Variants in ASB11 observed in about 807,000 individuals in gnomAD.
The protein encoded by ASB11 is ankyrin repeat and SOCS box containing 11.
Under a neutral mutation model 20.1 loss-of-function variants are expected in ASB11, and 17 were observed. That is an observed-to-expected ratio of 0.85 (90% CI 0.58 to 1.27). The LOEUF is 1.27. ASB11 is among the 50% of genes most tolerant of loss of function. The probability of loss-of-function intolerance (pLI) is 0.00; values close to 1 mark genes in which losing one functional copy is unlikely to be tolerated. For synonymous variants in ASB11, 107 were observed against 105.6 expected, an observed-to-expected ratio of 1.01 and a Z score of -0.08; for missense variants, 259 against 256.9, an observed-to-expected ratio of 1.01 and a Z score of -0.06.
chrX:15,283,748 T>C lies in ASB11; in HGVS notation c.848-119A>G, dbSNP rs1318319048. On this transcript the variant is annotated intron_variant, in intron 6 of 6. Transcript: ENST00000480796. The stretch of plus-strand genomic sequence containing the variant: ...AAAAGCAGAAGAGAAGCTGGATCTG[T>C]ATAGGAACTATAGAATGAGGTAGCG... 2.4e-5 allele frequency: 19 copies of C among 801,655 alleles called. No homozygotes were observed. The South Asian group carries it at 4.1e-4, about 17-fold the overall frequency. The allele number at this position is 801,655 out of a possible 1,213,427, so 66.1% of individuals were successfully genotyped here.
At chrX:15,314,421 T>C (rs1321066964) in intron 1 of ASB11, 6 of 1,202,316 alleles carry the variant, frequency 5.0e-6, no homozygotes, top group African/African-American at 1.8e-5. Context: ...CTTTCCATGG[T>C]CCGGACCTTC....
intron 6 of ASB11, among the ~76,000 whole-genome samples, chrX:15,285,145 T>TC (rs1484927338): frequency 9.7e-6 from 1 of 102,772 alleles, no homozygotes; most frequent in Non-Finnish European, 2.0e-5. Context: ...TCTTTCTTTT[T>TC]TTTTTTTTTT....
At chrX:15,289,843 G>GT (rs924469942) in intron 4 of ASB11, 24 of 309,591 alleles carry the variant, frequency 7.8e-5, no homozygotes, top group African/African-American at 6.4e-4. Context: ...GGCCAACATG[G>GT]TGAAACCCCA....
At chrX:15,284,864 C>T (rs1221642625) in intron 6 of ASB11, among the ~76,000 whole-genome samples, 1 of 112,157 alleles carries the variant, frequency 8.9e-6, no homozygotes, top group African/African-American at 3.2e-5. Flanking sequence ...TCCACTGTAA[C>T]AGCATCTCAC....
rs375899924 is a variant in ASB11, at chrX:15,315,564, A to C, written c.42T>G (p.Phe14Leu). 30 of 1,190,110 alleles carry C rather than the reference A, an allele frequency of 2.5e-5. No homozygotes were observed. Among genetic ancestry groups the C allele is most frequent in the Non-Finnish European group, 3.3e-5 (29 of 887,579 alleles). ...GPVFYGFKNI[F>L]ITMFATFFFF... ...AAAAAAACGTAGCAAACATTGTAAT[A>C]AAAATGTTTTTAAAGCCATAGAAAA... Residue 14 changes from phenylalanine (F) to leucine (L), a missense_variant, in exon 1 of 7, where the codon TTT (phenylalanine) becomes TTG (leucine). Coordinates refer to ENST00000480796, the MANE Select transcript of ASB11 (RefSeq NM_080873.3).
Position 15,293,227 on chromosome X carries a change from C to T in ASB11, c.463G>A (p.Ala155Thr). ...ACVNVLLEFG[A>T]KAQLEVHLAS... ...AGGTGCACCTCCAACTGGGCCTTGG[C>T]TCCGAACTCCAGCAGCACATTGACA... The change falls in exon 4 of 7, where the codon GCC becomes ACC. Residue 155 changes from alanine (A) to threonine (T), a missense_variant. Ala to Thr is a moderately conservative substitution (Grantham distance 58). Transcript: ENST00000480796. The T allele has an allele frequency of 8.3e-7, 1 of 1,211,863 alleles. No individual in the cohort carries two copies. The highest frequency in any genetic ancestry group is 1.1e-6 in the Non-Finnish European group (1 of 895,533).
chrX:15,306,333 A>G (rs1429510772), intron 1 of ASB11, among the ~76,000 whole-genome samples: 3 of 111,948 alleles, frequency 2.7e-5, no homozygotes, highest in African/African-American at 6.5e-5. Flanking sequence ...AACAGATAAA[A>G]ATTTTTAACA....
chrX:15,305,730 T>C (rs1921222561), intron 1 of ASB11, among the ~76,000 whole-genome samples: 1 of 111,163 alleles, frequency 9.0e-6, no homozygotes, highest in African/African-American at 3.3e-5. Flanking sequence ...CCAAAGAAAA[T>C]AATTATATGC....
rs1927225539 is a variant in ASB11, at chrX:15,282,969, T to C, written c.*536A>G. On this transcript the variant is annotated 3_prime_UTR_variant, in exon 7 of 7. Coordinates refer to ENST00000480796, the MANE Select transcript of ASB11 (RefSeq NM_080873.3). ...ATATGAGTGCATGTGTGTGTGTGTA[T>C]ATATATACGTATATATATATACGTA... 1.9e-5 allele frequency: 2 copies of C among 103,099 alleles called. No homozygotes were observed. The highest frequency in any genetic ancestry group is 5.8e-4 in the East Asian group (2 of 3,438). 8.5% of individuals were successfully genotyped at this position (103,099 alleles called of 1,213,427 possible).
At chrX:15,295,556 C>G (rs1295225487) in intron 3 of ASB11, among the ~76,000 whole-genome samples, 1 of 111,198 alleles carries the variant, frequency 9.0e-6, no homozygotes, top group Non-Finnish European at 1.9e-5. Context: ...ACTAGGAACC[C>G]AAGATGAGGA....
intron 2 of ASB11, among the ~76,000 whole-genome samples, chrX:15,301,254 C>T (rs1273898458): frequency 1.8e-5 from 2 of 112,110 alleles, no homozygotes; most frequent in African/African-American, 6.5e-5. Context: ...TGAGCCACCA[C>T]ATCCGGCCAG....
At chrX:15,309,633 C>T (rs757035178) in intron 1 of ASB11, among the ~76,000 whole-genome samples, 67 of 110,559 alleles carry the variant, frequency 6.1e-4, no homozygotes, top group African/African-American at 2.1e-3. Context: ...GGGACCACTG[C>T]TATAAATGGT....
In ASB11 at chrX:15,302,737, TA is replaced by T. The variant is rs1166816209; in HGVS notation, c.251del (p.Leu84Ter). On this transcript the variant is annotated frameshift_variant, in exon 2 of 7. Transcript: ENST00000480796. LOFTEE classifies it high-confidence loss of function. ...AQGRLLALKT[L>X]IAQGVNVNLV... Reference sequence around the variant, plus strand: ...TCTTCAGTTCACTTACTTGTGCAATTAAAGTTTTAAGGGCCAGTAAGCGCCC... The same window carrying T: ...TCTTCAGTTCACTTACTTGTGCAATTAAGTTTTAAGGGCCAGTAAGCGCCC... 1 of 1,202,833 alleles carries T rather than the reference TA, an allele frequency of 8.3e-7. No individual in the cohort carries two copies. The highest frequency in any genetic ancestry group is 1.1e-6 in the Non-Finnish European group (1 of 888,802).
intron 1 of ASB11, among the ~76,000 whole-genome samples, chrX:15,303,292 T>C (rs1921133221): frequency 9.0e-6 from 1 of 110,890 alleles, no homozygotes; most frequent in African/African-American, 3.3e-5. Flanking sequence ...GGAAGGAGTA[T>C]TGTCTTGGGC....
In ASB11 at chrX:15,305,747, C is replaced by T. The variant is rs753368327; in HGVS notation, c.182-2940G>A. Among the ~76,000 whole-genome samples, 26 of 110,855 alleles carry T rather than the reference C, an allele frequency of 2.3e-4. 1 individual carries two copies. The highest frequency in any genetic ancestry group is 6.7e-4 in the Admixed American group (7 of 10,403). ...AAAGAAAATAATTATATGCAATAGA[C>T]ATCATCAATTTTATGTTTTTTGACT... is the stretch of plus-strand genomic sequence containing the variant. On this transcript the variant is annotated intron_variant, in intron 1 of 6. Coordinates refer to ENST00000480796, the MANE Select transcript of ASB11 (RefSeq NM_080873.3).
At chrX:15,291,880 C>T (rs1343149892) in intron 4 of ASB11, 22 of 107,461 alleles carry the variant, frequency 2.0e-4, no homozygotes, top group African/African-American at 6.8e-4. Flanking sequence ...ACTAAAAATA[C>T]AAAAATTAGC....
At chrX:15,306,232 T>C (rs1015361805) in intron 1 of ASB11, among the ~76,000 whole-genome samples, 2 of 112,501 alleles carry the variant, frequency 1.8e-5, no homozygotes, top group Non-Finnish European at 3.7e-5. Context: ...GTAATGAACA[T>C]ATGCACGTAT....
rs1555942035 is a variant in ASB11 at position 15,309,991 on chromosome X, A to AG, written c.181+5433dup. Among the ~76,000 whole-genome samples, 5 of 103,554 alleles carry AG rather than the reference A, an allele frequency of 4.8e-5. No individual in the cohort carries two copies. In the East Asian group the frequency reaches 8.9e-4, roughly 18 times the overall value. The allele number at this position is 103,554 out of a possible 115,157, so 89.9% of individuals were successfully genotyped here. ...TCAAAAAAAAAAAAAAAAAAAAAAA[A>AG]GTAGAAGTCCTTTTTGTTTCCCAAC... On this transcript the variant is annotated intron_variant, in intron 1 of 6. Coordinates refer to ENST00000480796, the MANE Select transcript of ASB11 (RefSeq NM_080873.3).
intron 3 of ASB11, among the ~76,000 whole-genome samples, chrX:15,293,905 A>T: frequency 1.6e-5 from 1 of 61,300 alleles, no homozygotes; most frequent in African/African-American, 6.3e-5. Context: ...GGGAGGGGGG[A>T]GGGATAGCAT....
Sources: gnomAD v4.1 joint callset for allele counts (sites outside exome capture counted in the v4.1 genomes callset) on GRCh38, gnomAD v4.1.1 for gene constraint, MANE v1.5 for transcripts, NCBI Gene and HGNC (gene_info 2026-07-23, HGNC 2026-07-21) for gene names.